CNTN5: variants seen among roughly 807,000 people sequenced by gnomAD.
CNTN5 encodes contactin 5, also known as contactin-5.
In CNTN5, 77 loss-of-function variants were observed where a neutral mutation model predicts 129.1. The ratio of observed to expected loss-of-function variants is 0.60; its 90% CI spans 0.50 to 0.72. CNTN5 has a LOEUF of 0.72. Ranked by LOEUF, CNTN5 falls within the 30% of genes least tolerant of loss-of-function variation. The pLI is 0.00. For synonymous variants in CNTN5, 509 were observed against 465.6 expected (o/e 1.09, Z -1.20); for missense variants, 1,478 against 1,328.8 (o/e 1.11, Z -1.75).
intron 7 of CNTN5, among the ~76,000 whole-genome samples, chr11:99,933,824 G>C (rs1227952910): frequency 6.6e-6 from 1 of 152,158 alleles, no homozygotes. Context: ...GTACATTTCA[G>C]CTGTTTTCAA....
intron 2 of CNTN5, among the ~76,000 whole-genome samples, chr11:99,527,451 TA>T (rs1359723029): frequency 6.6e-6 from 1 of 152,120 alleles, no homozygotes. Flanking sequence ...TCTTTAAAAT[TA>T]TAAAAATGTG....
chr11:99,641,463 A>T (rs1254740393), intron 3 of CNTN5, among the ~76,000 whole-genome samples: 1 of 152,156 alleles, frequency 6.6e-6, no homozygotes, highest in African/African-American at 2.4e-5. Context: ...TCACCTCTGT[A>T]TGGGACTGAA....
At chr11:99,280,000 A>C (rs1188246393) in intron 1 of CNTN5, among the ~76,000 whole-genome samples, 1 of 151,692 alleles carries the variant, frequency 6.6e-6, no homozygotes, top group African/African-American at 2.4e-5. Flanking sequence ...CGACTCAGAA[A>C]AAGAAAAAAA....
intron 2 of CNTN5, among the ~76,000 whole-genome samples, chr11:99,397,703 G>T (rs1047544214): frequency 6.6e-6 from 1 of 151,348 alleles, no homozygotes; most frequent in African/African-American, 2.4e-5. Context: ...TTGTTTGTTT[G>T]TAGACCACTT....
intron 2 of CNTN5, among the ~76,000 whole-genome samples, chr11:99,390,333 G>T (rs1384635240): frequency 6.6e-6 from 1 of 151,950 alleles, no homozygotes; most frequent in East Asian, 1.9e-4. Flanking sequence ...TGCCCACACT[G>T]GTCTTGAACC....
intron 3 of CNTN5, among the ~76,000 whole-genome samples, chr11:99,709,443 A>C (rs1234652610): frequency 6.6e-6 from 1 of 151,828 alleles, no homozygotes; most frequent in African/African-American, 2.4e-5. Context: ...AACTCTAGAG[A>C]GTGAAATTGT....
intron 1 of CNTN5, among the ~76,000 whole-genome samples, chr11:99,307,626 C>G (rs1864932804): frequency 6.6e-6 from 1 of 152,010 alleles, no homozygotes; most frequent in Admixed American, 6.6e-5. Context: ...TGAGCTGCTC[C>G]CCATTTGAAT....
intron 10 of CNTN5, among the ~76,000 whole-genome samples, chr11:100,067,268 C>T (rs574142320): frequency 7.9e-5 from 12 of 152,122 alleles, no homozygotes; most frequent in Admixed American, 7.2e-4. Context: ...TTCATTGTAA[C>T]ACAATCTACA....
At chr11:100,147,905 A>T (rs930705190) in intron 13 of CNTN5, among the ~76,000 whole-genome samples, 1 of 152,094 alleles carries the variant, frequency 6.6e-6, no homozygotes, top group African/African-American at 2.4e-5. Context: ...CTCTCTAGGG[A>T]GTGTTTCTAA....
intron 2 of CNTN5, among the ~76,000 whole-genome samples, chr11:99,381,160 GAA>G (rs35196062): frequency 4.0e-5 from 6 of 150,644 alleles, no homozygotes; most frequent in Admixed American, 4.0e-4. Context: ...TAAGCCTAGG[GAA>G]AAAAAAAACA....
rs559164107 is a variant in CNTN5, at chr11:99,627,832, T to A, written c.55+71563T>A. Among the ~76,000 whole-genome samples, 68 of 151,620 alleles carry A rather than the reference T, an allele frequency of 4.5e-4. No homozygotes were observed. The East Asian group carries it at 0.013, about 29-fold the overall frequency. On this transcript the variant is annotated intron_variant, in intron 3 of 24. Coordinates refer to ENST00000524871, the MANE Select transcript of CNTN5 (RefSeq NM_014361.4). ...GTCTTGTGCAGACAGGTTAAATGTT[T>A]TATTTATCTCAGGATTCCCCATATC... is the stretch of plus-strand genomic sequence containing the variant.
intron 1 of CNTN5, among the ~76,000 whole-genome samples, chr11:99,297,620 A>G (rs1003678200): frequency 2.6e-5 from 4 of 152,138 alleles, no homozygotes; most frequent in Non-Finnish European, 5.9e-5. Context: ...GTAAGACTTC[A>G]CTGCCTTCCG....
intron 3 of CNTN5, among the ~76,000 whole-genome samples, chr11:99,751,904 G>GCCCTGCTGT (rs1304936104): frequency 2.6e-5 from 4 of 152,080 alleles, no homozygotes; most frequent in Non-Finnish European, 4.4e-5. Context: ...TTGGCTTTTT[G>GCCCTGCTGT]CCCTGCTGTC....
chr11:99,160,561 T>A (rs115954999), intron 1 of CNTN5, among the ~76,000 whole-genome samples: 1,984 of 152,268 alleles, frequency 0.013, 43 homozygotes, highest in African/African-American at 0.045. Flanking sequence ...TGTACCGAAC[T>A]ACTAATCACC....
At chr11:99,778,262 C>A (rs1212037436) in intron 3 of CNTN5, among the ~76,000 whole-genome samples, 1 of 151,690 alleles carries the variant, frequency 6.6e-6, no homozygotes, top group African/African-American at 2.4e-5. Flanking sequence ...CAGACTTGTT[C>A]AGCTGACTCT....
chr11:100,168,661 T>C (rs1234210484), intron 13 of CNTN5, among the ~76,000 whole-genome samples: 4 of 152,022 alleles, frequency 2.6e-5, no homozygotes, highest in Non-Finnish European at 5.9e-5. Context: ...AAGAAATTAA[T>C]GTGTTTTTCA....
At chr11:99,306,932 G>A (rs1003305807) in intron 1 of CNTN5, among the ~76,000 whole-genome samples, 1 of 151,984 alleles carries the variant, frequency 6.6e-6, no homozygotes, top group Non-Finnish European at 1.5e-5. Context: ...AAATTTATTT[G>A]TATTAAGGCA....
At chr11:99,202,721 T>C (rs940121358) in intron 1 of CNTN5, among the ~76,000 whole-genome samples, 4 of 151,562 alleles carry the variant, frequency 2.6e-5, no homozygotes, top group African/African-American at 9.7e-5. Context: ...AAAAACACTG[T>C]ATCTCAGTGA....
intron 13 of CNTN5, among the ~76,000 whole-genome samples, chr11:100,127,927 C>T (rs1007421781): frequency 1.3e-5 from 2 of 152,008 alleles, no homozygotes; most frequent in Non-Finnish European, 2.9e-5. Flanking sequence ...TCCCAAAGTT[C>T]TGGGATTACA....
Sources: allele counts gnomAD v4.1 joint callset (sites outside exome capture counted in the v4.1 genomes callset), GRCh38; gene constraint gnomAD v4.1.1; transcripts MANE v1.5; gene names NCBI Gene and HGNC (gene_info 2026-07-23, HGNC 2026-07-21).